Variants in NUDT9 observed in about 807,000 individuals in gnomAD.
The protein encoded by NUDT9 is ADP-ribose pyrophosphatase.
A neutral mutation model predicts 41.0 loss-of-function variants in NUDT9; 31 were observed. The ratio of observed to expected loss-of-function variants is 0.76; its 90% CI spans 0.57 to 1.02. NUDT9 has a LOEUF of 1.02. Among genes scored for constraint, NUDT9 ranks in the 50% least tolerant of loss-of-function variants. The pLI, the probability that NUDT9 is intolerant of heterozygous loss-of-function variation, is 0.00. For missense variants in NUDT9, 380 were observed against 431.4 expected, an observed-to-expected ratio of 0.88 and a Z score of 1.06; for synonymous variants, 146 against 147.6, an observed-to-expected ratio of 0.99 and a Z score of 0.08.
Position 87,451,656 on chromosome 4 carries a change from A to T in NUDT9, c.710A>T (p.Asn237Ile), listed in dbSNP as rs1474828254. 4 of 1,613,720 alleles carry T rather than the reference A, an allele frequency of 2.5e-6. No individual in the cohort carries two copies. Among genetic ancestry groups the T allele is most frequent in the Non-Finnish European group, 3.4e-6 (4 of 1,179,792 alleles). ...AGAGAATTTGGTGAGGAAGCTCTCA[A>T]CTCCTTACAGAAAACCAGTGCTGAG... Reference protein sequence around the residue: ...LKREFGEEALNSLQKTSAEKR... With the variant: ...LKREFGEEALISLQKTSAEKR... The change falls in exon 6 of 8, where the codon AAC becomes ATC. Residue 237 changes from asparagine to isoleucine, a missense_variant. By Grantham distance (149) the Asn-to-Ile change is moderately radical (BLOSUM62 -3). Transcript: ENST00000302174.
chr4:87,426,383 T>C (rs912291601), intron 1 of NUDT9, among the ~76,000 whole-genome samples: 6 of 152,114 alleles, frequency 3.9e-5, no homozygotes, highest in Non-Finnish European at 7.4e-5. Flanking sequence ...GGTAAACTTA[T>C]TTACCTCTCT....
chr4:87,458,240 C>A lies in NUDT9; in HGVS notation c.*219C>A. 2.6e-6 allele frequency: 1 copy of A among 385,532 alleles called. No individual in the cohort carries two copies. The highest frequency in any genetic ancestry group is 4.6e-6 in the Non-Finnish European group (1 of 219,560). The allele number at this position is 385,532 out of a possible 1,614,324, so 23.9% of individuals were successfully genotyped here. On this transcript the variant is annotated 3_prime_UTR_variant, in exon 8 of 8. Coordinates refer to ENST00000302174, the MANE Select transcript of NUDT9 (RefSeq NM_024047.5). ...TTTGGTCAAAAGGAATATAAGTAATCATATTTTGTATGTATTCGATTTAAG... is the reference window on the plus strand; with the variant it reads ...TTTGGTCAAAAGGAATATAAGTAATAATATTTTGTATGTATTCGATTTAAG...
At chr4:87,434,263 C>G (rs753529294) in intron 1 of NUDT9, 3 of 151,924 alleles carry the variant, frequency 2.0e-5, no homozygotes, top group African/African-American at 4.8e-5. Context: ...AGGCTGGTCT[C>G]GAACTCCTGA....
chr4:87,435,487 T>C (rs1205569989), intron 2 of NUDT9, among the ~76,000 whole-genome samples: 1 of 152,226 alleles, frequency 6.6e-6, no homozygotes, highest in East Asian at 1.9e-4. Context: ...TGTTATGAAA[T>C]AACAGCTGGT....
intron 1 of NUDT9, among the ~76,000 whole-genome samples, 174 bp from the exon 2 acceptor site, chr4:87,434,807 C>T (rs1036686939): frequency 2.0e-5 from 3 of 152,020 alleles, no homozygotes; most frequent in Middle Eastern, 3.4e-3. Context: ...TTAGTAGAGA[C>T]GGCATTTCAC....
At position 87,451,846 on chromosome 4, in the gene NUDT9, A is replaced by ATATT. The variant is rs1722726704; in HGVS notation, c.789+114_789+117dup. On this transcript the variant is annotated intron_variant, in intron 6 of 7. Transcript: ENST00000302174. ...TCTCTAAATAAAGTGGAATACTTGT[A>ATATT]TATTTAAAATATATTCACAAAAACA... The ATATT allele has an allele frequency of 3.6e-6, 3 of 835,054 alleles. No homozygotes were observed. The African/African-American group carries it at 5.2e-5, about 14-fold the overall frequency. The allele number at this position is 835,054 out of a possible 1,614,324, so 51.7% of individuals were successfully genotyped here.
In NUDT9 at chr4:87,454,455, G is replaced by A; in HGVS notation, c.874G>A (p.Gly292Ser). 4 of 1,586,838 alleles carry A rather than the reference G, an allele frequency of 2.5e-6. No homozygotes were observed. The highest frequency in any genetic ancestry group is 2.6e-6 in the Non-Finnish European group (3 of 1,155,254). ...TEAVNYHDET[G>S]EIMDNLMLEA... ...AGCTGTGAACTACCATGACGAAACAGGTAACTTTATATTTATTAAACTGGC... is the reference window on the plus strand; with the variant it reads ...AGCTGTGAACTACCATGACGAAACAAGTAACTTTATATTTATTAAACTGGC... The change falls in exon 7 of 8, where the codon GGT (glycine) becomes AGT (serine). Residue 292 changes from glycine (G) to serine (S), a missense_variant and splice_region_variant. Gly to Ser is a moderately conservative substitution (Grantham distance 56). Coordinates refer to ENST00000302174, the MANE Select transcript of NUDT9 (RefSeq NM_024047.5).
chr4:87,422,913 G>A lies in NUDT9; in HGVS notation c.8G>A (p.Gly3Glu), dbSNP rs772653941. ...GCCGCCCTCGGGGCGCTCATGGCGGGACGCCTCCTGGGAAAGGCTTTAGCC... is the reference window on the plus strand; with the variant it reads ...GCCGCCCTCGGGGCGCTCATGGCGGAACGCCTCCTGGGAAAGGCTTTAGCC... MA[G>E]RLLGKALAAV... Residue 3 changes from glycine (G) to glutamate (E), a missense_variant, in exon 1 of 8, where the codon GGA becomes GAA. Coordinates refer to ENST00000302174, the MANE Select transcript of NUDT9 (RefSeq NM_024047.5). 3 of 1,610,126 alleles carry A rather than the reference G, an allele frequency of 1.9e-6. No homozygotes were observed. In the East Asian group the frequency reaches 6.7e-5, roughly 36 times the overall value.
chr4:87,431,978 AC>A (rs1448433749), intron 1 of NUDT9, among the ~76,000 whole-genome samples: 3 of 152,122 alleles, frequency 2.0e-5, no homozygotes, highest in African/African-American at 7.2e-5. Flanking sequence ...GAGCCAGTGC[AC>A]CCAGCATGTT....
intron 1 of NUDT9, among the ~76,000 whole-genome samples, chr4:87,424,776 T>G (rs1721331151): frequency 6.6e-6 from 1 of 152,334 alleles, no homozygotes; most frequent in Non-Finnish European, 1.5e-5. Context: ...TCTGGAAATC[T>G]CTAATGCTCT....
rs1722713814 is a variant in NUDT9, at chr4:87,451,652, C to T, written c.706C>T (p.Leu236Phe). ...GAAAAGAGAATTTGGTGAGGAAGCT[C>T]TCAACTCCTTACAGAAAACCAGTGC... ...TLKREFGEEALNSLQKTSAEK... is the reference protein window; with the variant it reads ...TLKREFGEEAFNSLQKTSAEK... Residue 236 changes from leucine to phenylalanine, a missense_variant, in exon 6 of 8, where the codon CTC (leucine) becomes TTC (phenylalanine). Physicochemically the swap from Leu to Phe is conservative, Grantham distance 22 (BLOSUM62 0). Transcript: ENST00000302174. 3 of 1,613,698 alleles carry T rather than the reference C, an allele frequency of 1.9e-6. No homozygotes were observed. Among genetic ancestry groups the T allele is most frequent in the Admixed American group, 1.7e-5 (1 of 60,002 alleles).
chr4:87,425,574 T>C (rs1041382723), intron 1 of NUDT9, among the ~76,000 whole-genome samples: 1 of 151,604 alleles, frequency 6.6e-6, no homozygotes, highest in Non-Finnish European at 1.5e-5. Context: ...TTTATATTTT[T>C]AGTAGAGATG....
chr4:87,449,774 A>G (rs1017656649), intron 5 of NUDT9, among the ~76,000 whole-genome samples: 22 of 152,278 alleles, frequency 1.4e-4, no homozygotes, highest in African/African-American at 5.3e-4. Context: ...AATTTCTATA[A>G]TGTTATCAAG....
chr4:87,450,202 G>C (rs912123656), intron 5 of NUDT9, among the ~76,000 whole-genome samples: 9 of 151,858 alleles, frequency 5.9e-5, no homozygotes, highest in Non-Finnish European at 1.3e-4. Context: ...GTGTGGTAGA[G>C]GGTTTTATAT....
chr4:87,455,035 T>C (rs1163163309), intron 7 of NUDT9, among the ~76,000 whole-genome samples: 1 of 152,226 alleles, frequency 6.6e-6, no homozygotes, highest in Non-Finnish European at 1.5e-5. Flanking sequence ...GGTCTTAATG[T>C]ACACATTGAA....
intron 4 of NUDT9, among the ~76,000 whole-genome samples, chr4:87,443,620 A>C (rs1301933981): frequency 1.3e-5 from 2 of 152,206 alleles, no homozygotes; most frequent in African/African-American, 2.4e-5. Flanking sequence ...GAAGATTAGA[A>C]GATTGGATGT....
At chr4:87,438,473 A>G (rs897298835) in intron 3 of NUDT9, 101 bp downstream of exon 3, 9 of 625,180 alleles carry the variant, frequency 1.4e-5, no homozygotes, top group African/African-American at 1.8e-5. Flanking sequence ...ATGTTGTACA[A>G]ATTTATTTAC....
chr4:87,449,064 T>C (rs1469842634), intron 4 of NUDT9, 78 bp from the exon 5 acceptor site: 8 of 802,726 alleles, frequency 1.0e-5, no homozygotes, highest in Non-Finnish European at 8.4e-6. Context: ...AAAAAGTCCT[T>C]GTAACTTTAT....
intron 7 of NUDT9, 44 bp from the exon 8 acceptor site, chr4:87,457,799 C>A (rs776449565): frequency 6.4e-7 from 1 of 1,555,446 alleles, no homozygotes; most frequent in South Asian, 1.1e-5. Flanking sequence ...TATGCTAAAA[C>A]AGAAATGAGT....
Sources: gnomAD v4.1 joint callset for allele counts (sites outside exome capture counted in the v4.1 genomes callset) on GRCh38, gnomAD v4.1.1 for gene constraint, MANE v1.5 for transcripts, NCBI Gene and HGNC (gene_info 2026-07-23, HGNC 2026-07-21) for gene names.